The following SLCO5A1 variants were observed in gnomAD, a reference collection of about 807,000 sequenced individuals.
SLCO5A1 encodes organic anion transporter polypeptide-related protein 4.
Under a neutral mutation model 65.1 loss-of-function variants are expected in SLCO5A1, and 39 were observed. The observed-to-expected ratio is 0.60, with a 90% CI of 0.46 to 0.78. SLCO5A1 has a LOEUF of 0.78. Ranked by LOEUF, SLCO5A1 falls within the 30% of genes least tolerant of loss-of-function variation. SLCO5A1 has a pLI of 0.00. For synonymous variants in SLCO5A1, 438 were observed against 415.7 expected, an observed-to-expected ratio of 1.05 and a Z score of -0.65; for missense variants, 1,029 against 1,069.4, an observed-to-expected ratio of 0.96 and a Z score of 0.53.
At chr8:69,830,091 G>A (rs1455890216) in intron 2 of SLCO5A1, among the ~76,000 whole-genome samples, 4 of 152,126 alleles carry the variant, frequency 2.6e-5, no homozygotes, top group Non-Finnish European at 5.9e-5. Flanking sequence ...ACCCAGAAAG[G>A]AAATTTCTTT....
At chr8:69,812,025 C>T (rs761417768) in intron 2 of SLCO5A1, among the ~76,000 whole-genome samples, 11 of 152,202 alleles carry the variant, frequency 7.2e-5, no homozygotes, top group Non-Finnish European at 1.5e-4. Context: ...TTGAGAAGAC[C>T]CTTTGCAACC....
chr8:69,692,027 T>A (rs908339750), intron 6 of SLCO5A1, among the ~76,000 whole-genome samples: 3 of 152,128 alleles, frequency 2.0e-5, no homozygotes, highest in African/African-American at 7.2e-5. Flanking sequence ...GGTGGGCAGA[T>A]CACAAGGTCA....
intron 2 of SLCO5A1, among the ~76,000 whole-genome samples, chr8:69,770,751 C>A (rs1818287217): frequency 6.6e-6 from 1 of 152,188 alleles, no homozygotes; most frequent in Non-Finnish European, 1.5e-5. Flanking sequence ...TGCCTCCTCA[C>A]TGCCCCCGCC....
intron 5 of SLCO5A1, among the ~76,000 whole-genome samples, chr8:69,723,746 C>T (rs911693156): frequency 7.3e-5 from 11 of 149,960 alleles, no homozygotes; most frequent in Non-Finnish European, 1.2e-4. Flanking sequence ...GATAGGTGCT[C>T]ATTCGTTTAA....
Position 69,832,895 on chromosome 8 carries a change from G to A in SLCO5A1, c.-222C>T. 3.4e-6 allele frequency: 2 copies of A among 594,466 alleles called. No individual in the cohort carries two copies. The highest frequency in any genetic ancestry group is 2.9e-6 in the Non-Finnish European group (1 of 341,760). 36.8% of individuals were successfully genotyped at this position (594,466 alleles called of 1,614,324 possible). On this transcript the variant is annotated 5_prime_UTR_variant, in exon 2 of 10. Transcript: ENST00000260126. This position sits in a 1 kb window ranked among gnomAD's most constrained non-coding sequence, Gnocchi z 4.5. ...AAGGCTCCGCAGCCGCGTGCCACAG[G>A]GGGCAGGGGTCCGCGCGGTACTGCG...
chr8:69,822,449 G>A (rs543243904), intron 2 of SLCO5A1, among the ~76,000 whole-genome samples: 8 of 152,134 alleles, frequency 5.3e-5, no homozygotes, highest in South Asian at 2.1e-4. Flanking sequence ...ATAACATTAC[G>A]AAAACACTGA....
At chr8:69,767,889 C>CAAAAAAAAAACAAAA (rs1818129822) in intron 2 of SLCO5A1, among the ~76,000 whole-genome samples, 1 of 35,046 alleles carries the variant, frequency 2.9e-5, no homozygotes, top group Admixed American at 2.9e-4. Context: ...GACTCCATCT[C>CAAAAAAAAAACAAAA]AAAAAAAAAA....
chr8:69,679,243 AAT>A, intron 8 of SLCO5A1, 133 bp downstream of exon 8: 1 of 1,230,018 alleles, frequency 8.1e-7, no homozygotes, highest in Non-Finnish European at 1.1e-6. Flanking sequence ...TCACCAGGCA[AAT>A]ATCTGAGCGC....
intron 2 of SLCO5A1, among the ~76,000 whole-genome samples, chr8:69,808,891 G>A (rs891626222): frequency 1.3e-5 from 2 of 152,070 alleles, no homozygotes; most frequent in Non-Finnish European, 1.5e-5. Context: ...GATCACCTGA[G>A]GTCAGGAGTT....
chr8:69,679,343 C>T, intron 8 of SLCO5A1, 35 bp downstream of exon 8: 1 of 1,612,892 alleles, frequency 6.2e-7, no homozygotes, highest in Non-Finnish European at 8.5e-7. Flanking sequence ...ATTATAAGTA[C>T]AGAACCCACC....
intron 6 of SLCO5A1, among the ~76,000 whole-genome samples, chr8:69,702,732 G>A (rs1814798337): frequency 6.6e-6 from 1 of 152,180 alleles, no homozygotes; most frequent in Non-Finnish European, 1.5e-5. Context: ...GGAAACAGAA[G>A]TGTTTCTTGG....
At chr8:69,727,439 A>G (rs1816133860) in intron 5 of SLCO5A1, among the ~76,000 whole-genome samples, 1 of 152,232 alleles carries the variant, frequency 6.6e-6, no homozygotes, top group Non-Finnish European at 1.5e-5. Flanking sequence ...ATACAGTTAC[A>G]TATTATACAG....
At chr8:69,725,562 A>T (rs889480867) in intron 5 of SLCO5A1, among the ~76,000 whole-genome samples, 8 of 152,182 alleles carry the variant, frequency 5.3e-5, no homozygotes, top group Non-Finnish European at 1.2e-4. Context: ...ATAGTGATTA[A>T]CTTGAATGCC....
At chr8:69,759,850 G>C (rs763286056) in intron 3 of SLCO5A1, among the ~76,000 whole-genome samples, 1 of 152,066 alleles carries the variant, frequency 6.6e-6, no homozygotes, top group African/African-American at 2.4e-5. Context: ...GGCTCGCCAC[G>C]TTAGCCAGGG....
chr8:69,697,641 A>G (rs1371465882), intron 6 of SLCO5A1, among the ~76,000 whole-genome samples: 1 of 152,160 alleles, frequency 6.6e-6, no homozygotes, highest in Admixed American at 6.5e-5. Context: ...GGCTCCATCC[A>G]TGACAAAATC....
At chr8:69,757,951 G>A (rs1262153381) in intron 3 of SLCO5A1, among the ~76,000 whole-genome samples, 1 of 152,094 alleles carries the variant, frequency 6.6e-6, no homozygotes, top group African/African-American at 2.4e-5. Context: ...AGGCAGACCT[G>A]GGTTTGTATC....
At chr8:69,684,820 C>A (rs1269830173) in intron 6 of SLCO5A1, among the ~76,000 whole-genome samples, 1 of 152,050 alleles carries the variant, frequency 6.6e-6, no homozygotes, top group Non-Finnish European at 1.5e-5. Flanking sequence ...AGCTGAGACC[C>A]AATTTTGAGG....
intron 2 of SLCO5A1, chr8:69,794,806 G>A: frequency 6.1e-6 from 1 of 164,470 alleles, no homozygotes; most frequent in Non-Finnish European, 1.3e-5. Context: ...TCACCATTCT[G>A]CAGGCTCTAA....
At chr8:69,703,655 A>G (rs940593181) in intron 6 of SLCO5A1, among the ~76,000 whole-genome samples, 1 of 152,252 alleles carries the variant, frequency 6.6e-6, no homozygotes, top group African/African-American at 2.4e-5. Context: ...CAGACACTGT[A>G]GCCAAATTGC....
Sources: gnomAD v4.1 joint callset for allele counts (sites outside exome capture counted in the v4.1 genomes callset) on GRCh38, gnomAD v4.1.1 for gene constraint, Gnocchi (gnomAD v3.1) non-coding constraint, MANE v1.5 for transcripts, NCBI Gene and HGNC (gene_info 2026-07-23, HGNC 2026-07-21) for gene names.